Variants in JAKMIP1 observed in about 807,000 individuals in gnomAD.
JAKMIP1 encodes janus kinase and microtubule interacting protein 1.
JAKMIP1 carries 33 observed loss-of-function variants against 113.0 expected under a neutral mutation model. The ratio of observed to expected loss-of-function variants is 0.29; its 90% CI spans 0.22 to 0.39. JAKMIP1 has a LOEUF of 0.39. Among genes scored for constraint, JAKMIP1 ranks in the 10% least tolerant of loss-of-function variants. The probability of loss-of-function intolerance (pLI) is 1.00; values close to 1 mark genes in which losing one functional copy is unlikely to be tolerated. For missense variants in JAKMIP1, 813 were observed against 1,080.5 expected (o/e 0.75, Z 3.47); for synonymous variants, 480 against 459.9 (o/e 1.04, Z -0.56).
At chr4:6,037,380 C>G (rs1713636794) in intron 18 of JAKMIP1, among the ~76,000 whole-genome samples, 2 of 121,446 alleles carry the variant, frequency 1.6e-5, no homozygotes, top group Admixed American at 7.2e-5. Flanking sequence ...CAGAGGCTAA[C>G]CAGTATCCCT....
At position 6,116,336 on chromosome 4, in the gene JAKMIP1, G is replaced by A. The variant is rs529867393; in HGVS notation, c.-147-3339C>T. 4.9e-4 allele frequency among the ~76,000 whole-genome samples: 74 copies of A among 152,110 alleles called. No homozygotes were observed. Among genetic ancestry groups the A allele is most frequent in the African/African-American group, 1.7e-3 (70 of 41,514 alleles). ...GCTTAGCTTGGTGTCTGCTGCGCCC[G>A]GGGATTTTCGTTCTGAGCCCACTGC... On this transcript the variant is annotated intron_variant, in intron 1 of 20. Coordinates refer to ENST00000409021, the MANE Select transcript of JAKMIP1 (RefSeq NM_001099433.2). This position sits in a 1 kb window ranked among gnomAD's most constrained non-coding sequence, Gnocchi z 5.1.
chr4:6,124,800 T>C lies in JAKMIP1; in HGVS notation c.-147-11803A>G, dbSNP rs143336873. ...ATCACCTTCTAACTGTCCCCAGTACTTGGCTTGGGCCACACCTCTTTGGGG... is the reference window on the plus strand; with the variant it reads ...ATCACCTTCTAACTGTCCCCAGTACCTGGCTTGGGCCACACCTCTTTGGGG... On this transcript the variant is annotated intron_variant, in intron 1 of 20. Coordinates refer to ENST00000409021, the MANE Select transcript of JAKMIP1 (RefSeq NM_001099433.2). 7.2e-5 allele frequency among the ~76,000 whole-genome samples: 11 copies of C among 152,370 alleles called. No individual in the cohort carries two copies. The East Asian group carries it at 1.9e-3, about 27-fold the overall frequency.
At chr4:6,133,036 T>TA (rs1489280226) in intron 1 of JAKMIP1, among the ~76,000 whole-genome samples, 3 of 151,914 alleles carry the variant, frequency 2.0e-5, no homozygotes, top group Non-Finnish European at 4.4e-5. Flanking sequence ...TTTTTTTAAT[T>TA]AAAAAAAGAT....
rs1236930568 is a variant in JAKMIP1, at chr4:6,040,467, G to A, written c.2175+172C>T. On this transcript the variant is annotated intron_variant, in intron 18 of 20. Transcript: ENST00000409021. This position sits in a 1 kb window ranked among gnomAD's most constrained non-coding sequence, Gnocchi z 5.8. Reference sequence around the variant, plus strand: ...TATTTTTGAAAATCACGATTGATTTGGAAAAAGGGACAGTCTGTACGGTCA... The same window carrying A: ...TATTTTTGAAAATCACGATTGATTTAGAAAAAGGGACAGTCTGTACGGTCA... Among the ~76,000 whole-genome samples the A allele has an allele frequency of 6.6e-6, 1 of 152,186 alleles. No homozygotes were observed. The highest frequency in any genetic ancestry group is 1.5e-5 in the Non-Finnish European group (1 of 68,024).
Position 6,081,533 on chromosome 4 carries a change from T to C in JAKMIP1, c.1101+76A>G, listed in dbSNP as rs1720545461. On this transcript the variant is annotated intron_variant, in intron 6 of 20. Transcript: ENST00000409021. The surrounding 1 kb of genome is among the most constrained non-coding windows in gnomAD (Gnocchi z 4.6). ...GCAGGTGCGCCCCAGAACATGTGAA[T>C]CGGGAGGTTCAGGGCTGAAGAATCC... 6.4e-7 allele frequency: 1 copy of C among 1,551,810 alleles called. No homozygotes were observed.
At position 6,155,860 on chromosome 4, in the gene JAKMIP1, A is replaced by C. The variant is rs1722167327; in HGVS notation, c.-147-42863T>G. ...CTGGGTCCTGCCCTAGACCTCATGA[A>C]TGGCACTCTCTAGAGGTGGGGCCTG... On this transcript the variant is annotated intron_variant, in intron 1 of 20. Coordinates refer to ENST00000409021, the MANE Select transcript of JAKMIP1 (RefSeq NM_001099433.2). The surrounding 1 kb of genome is among the most constrained non-coding windows in gnomAD (Gnocchi z 6.1). Among the ~76,000 whole-genome samples, 4 of 152,120 alleles carry C rather than the reference A, an allele frequency of 2.6e-5. No homozygotes were observed.
chr4:6,189,482 A>G (rs1727004675), intron 1 of JAKMIP1, among the ~76,000 whole-genome samples: 1 of 152,202 alleles, frequency 6.6e-6, no homozygotes, highest in South Asian at 2.1e-4. Context: ...AATGGCGAGA[A>G]CATACTGTGA....
At chr4:6,115,710 T>C (rs1402696629) in intron 1 of JAKMIP1, among the ~76,000 whole-genome samples, 1 of 152,216 alleles carries the variant, frequency 6.6e-6, no homozygotes, top group Non-Finnish European at 1.5e-5. Flanking sequence ...GTTTTTTCGT[T>C]TTGTTTTGTT....
chr4:6,029,630 T>C, intron 20 of JAKMIP1, 86 bp downstream of exon 20: 1 of 884,006 alleles, frequency 1.1e-6, no homozygotes, highest in Non-Finnish European at 1.8e-6. Flanking sequence ...ACAGAGTCTA[T>C]GCTTTGGACC....
At chr4:6,083,468 C>G (rs1218081088) in intron 5 of JAKMIP1, among the ~76,000 whole-genome samples, 4 of 151,702 alleles carry the variant, frequency 2.6e-5, no homozygotes, top group African/African-American at 9.7e-5. Context: ...CTACTTCAGT[C>G]TGATCTGACA....
In JAKMIP1 at chr4:6,193,551, T is replaced by C. The variant is rs1049620780; in HGVS notation, c.-148+6702A>G. 6.6e-6 allele frequency among the ~76,000 whole-genome samples: 1 copy of C among 152,174 alleles called. No homozygotes were observed. Among genetic ancestry groups the C allele is most frequent in the Non-Finnish European group, 1.5e-5 (1 of 68,032 alleles). On this transcript the variant is annotated intron_variant, in intron 1 of 20. Coordinates refer to ENST00000409021, the MANE Select transcript of JAKMIP1 (RefSeq NM_001099433.2). This position sits in a 1 kb window ranked among gnomAD's most constrained non-coding sequence, Gnocchi z 6.4. ...CTGAGCAGCAAGAATCCAGCATGTT[T>C]CTGCAACCGAAAGAAAGGCAGCCAG...
At position 6,116,617 on chromosome 4, in the gene JAKMIP1, A is replaced by AG. The variant is rs1379381775; in HGVS notation, c.-147-3621_-147-3620insC. 7.9e-6 allele frequency among the ~76,000 whole-genome samples: 1 copy of AG among 126,628 alleles called. No homozygotes were observed. Among genetic ancestry groups the AG allele is most frequent in the Non-Finnish European group, 1.7e-5 (1 of 60,014 alleles). The allele number at this position is 126,628 out of a possible 152,430, so 83.1% of individuals were successfully genotyped here. On this transcript the variant is annotated intron_variant, in intron 1 of 20. Transcript: ENST00000409021. This position sits in a 1 kb window ranked among gnomAD's most constrained non-coding sequence, Gnocchi z 5.1. ...ACTGAAATATCTCTGCAGCCCACCCATCTCTGACATCACATGTCCCCTGTC... is the reference window on the plus strand; with the variant it reads ...ACTGAAATATCTCTGCAGCCCACCCAGTCTCTGACATCACATGTCCCCTGTC...
chr4:6,126,416 T>C (rs111066734), intron 1 of JAKMIP1, among the ~76,000 whole-genome samples: 37,743 of 133,326 alleles, frequency 0.28, 5,333 homozygotes, highest in Middle Eastern at 0.38. Flanking sequence ...ACATACACCG[T>C]ACAGAAACAC....
rs145831393 is a variant in JAKMIP1, at chr4:6,193,092, G to A, written c.-148+7161C>T. ...ATAAAGCAGGCAGGAGAAGATGGAA[G>A]AGCAAACTTGCTGAGTCTTCTGGCC... On this transcript the variant is annotated intron_variant, in intron 1 of 20. Coordinates refer to ENST00000409021, the MANE Select transcript of JAKMIP1 (RefSeq NM_001099433.2). The surrounding 1 kb of genome is among the most constrained non-coding windows in gnomAD (Gnocchi z 6.4). Among the ~76,000 whole-genome samples, 90 of 152,306 alleles carry A rather than the reference G, an allele frequency of 5.9e-4. No individual in the cohort carries two copies. Among genetic ancestry groups the A allele is most frequent in the Middle Eastern group, 3.4e-3 (1 of 294 alleles).
Position 6,100,360 on chromosome 4 carries a change from A to T in JAKMIP1, c.624+5113T>A, listed in dbSNP as rs141333493. On this transcript the variant is annotated intron_variant, in intron 3 of 20. Coordinates refer to ENST00000409021, the MANE Select transcript of JAKMIP1 (RefSeq NM_001099433.2). ...AGGTCTTTTGTGTCTAGCTTCTATCATTTAGCATAATGTTTCTGAGGTTCA... is the reference window on the plus strand; with the variant it reads ...AGGTCTTTTGTGTCTAGCTTCTATCTTTTAGCATAATGTTTCTGAGGTTCA... Among the ~76,000 whole-genome samples the T allele has an allele frequency of 2.0e-5, 3 of 152,332 alleles. No individual in the cohort carries two copies. The East Asian group carries it at 5.8e-4, about 29-fold the overall frequency.
At chr4:6,161,669 C>G (rs1414016694) in intron 1 of JAKMIP1, among the ~76,000 whole-genome samples, 1 of 152,106 alleles carries the variant, frequency 6.6e-6, no homozygotes, top group Admixed American at 6.5e-5. Flanking sequence ...GGAAGTCCAC[C>G]TTGCTGTCCA....
At position 6,156,855 on chromosome 4, in the gene JAKMIP1, A is replaced by G. The variant is rs1722291908; in HGVS notation, c.-148+43398T>C. 6.6e-6 allele frequency among the ~76,000 whole-genome samples: 1 copy of G among 152,214 alleles called. No homozygotes were observed. Among genetic ancestry groups the G allele is most frequent in the Non-Finnish European group, 1.5e-5 (1 of 68,036 alleles). On this transcript the variant is annotated intron_variant, in intron 1 of 20. Coordinates refer to ENST00000409021, the MANE Select transcript of JAKMIP1 (RefSeq NM_001099433.2). The surrounding 1 kb of genome is among the most constrained non-coding windows in gnomAD (Gnocchi z 5.0). The stretch of plus-strand genomic sequence containing the variant: ...GCCCATGATAGGTGTTGGTCACGTT[A>G]CAATTGTTCAGTAGACCCACACCCC...
rs1719210810 is a variant in JAKMIP1 at position 6,136,145 on chromosome 4, C to G, written c.-147-23148G>C. ...CCTGTATTCCCAGCTGCTGGGGAGG[C>G]TGAGGCAGGAGAATCACTTGAACCC... is the stretch of plus-strand genomic sequence containing the variant. On this transcript the variant is annotated intron_variant, in intron 1 of 20. Coordinates refer to ENST00000409021, the MANE Select transcript of JAKMIP1 (RefSeq NM_001099433.2). The surrounding 1 kb of genome is among the most constrained non-coding windows in gnomAD (Gnocchi z 5.9). Among the ~76,000 whole-genome samples the G allele has an allele frequency of 1.3e-5, 2 of 152,038 alleles. No homozygotes were observed. Among genetic ancestry groups the G allele is most frequent in the Non-Finnish European group, 1.5e-5 (1 of 68,022 alleles).
In JAKMIP1 at chr4:6,109,124, C is replaced by CTTT. The variant is rs71173408; in HGVS notation, c.130-3160_130-3158dup. 4.5e-4 allele frequency among the ~76,000 whole-genome samples: 44 copies of CTTT among 96,886 alleles called. 2 individuals are homozygous for CTTT. Among genetic ancestry groups the CTTT allele is most frequent in the Non-Finnish European group, 6.3e-4 (30 of 47,502 alleles). 63.6% of individuals were successfully genotyped at this position (96,886 alleles called of 152,430 possible). A position where few individuals can be genotyped will look rare whatever the true frequency, so the allele number is the denominator to read the frequency against. On this transcript the variant is annotated intron_variant, in intron 2 of 20. Coordinates refer to ENST00000409021, the MANE Select transcript of JAKMIP1 (RefSeq NM_001099433.2). The stretch of plus-strand genomic sequence containing the variant: ...AATATACAAGATGTGCCTGGGGCAC[C>CTTT]TTTTTTTTTTTTTTTTTTTTTTTTT...
Sources: gnomAD v4.1 joint callset for allele counts (sites outside exome capture counted in the v4.1 genomes callset) on GRCh38, gnomAD v4.1.1 for gene constraint, Gnocchi (gnomAD v3.1) non-coding constraint, MANE v1.5 for transcripts, NCBI Gene and HGNC (gene_info 2026-07-23, HGNC 2026-07-21) for gene names.